The following ANKS1B variants were observed in gnomAD, a reference collection of about 807,000 sequenced individuals.
ANKS1B encodes ankyrin repeat and sterile alpha motif domain containing 1B.
A neutral mutation model predicts 148.3 loss-of-function variants in ANKS1B; 36 were observed. The ratio of observed to expected loss-of-function variants is 0.24; its 90% CI spans 0.19 to 0.32. ANKS1B has a LOEUF of 0.32. Among genes scored for constraint, ANKS1B ranks in the 10% least tolerant of loss-of-function variants. ANKS1B has a pLI of 1.00. For missense variants in ANKS1B, 1,157 were observed against 1,542.6 expected (o/e 0.75, Z 4.19); for synonymous variants, 542 against 560.8 (o/e 0.97, Z 0.47).
Position 99,984,884 on chromosome 12 carries a change from T to C in ANKS1B, c.-647A>G, listed in dbSNP as rs1603615823. Among the ~76,000 whole-genome samples the C allele has an allele frequency of 6.8e-6, 1 of 148,022 alleles. No individual in the cohort carries two copies. Among genetic ancestry groups the C allele is most frequent in the East Asian group, 2.0e-4 (1 of 5,094 alleles). On this transcript the variant is annotated 5_prime_UTR_variant, in exon 1 of 27. Transcript: ENST00000683438. The stretch of plus-strand genomic sequence containing the variant: ...GGCGAGGCCTGGCGCGCGGGGGGCG[T>C]GTGCGCGCGGGCAGGTGCGGCCCCT...
At chr12:99,061,985 T>C (rs867509374) in intron 16 of ANKS1B, among the ~76,000 whole-genome samples, 1 of 152,162 alleles carries the variant, frequency 6.6e-6, no homozygotes, top group African/African-American at 2.4e-5. Context: ...CAAATGGTGG[T>C]GTTACCAGGT....
chr12:98,953,257 G>A (rs1013333993), intron 17 of ANKS1B, among the ~76,000 whole-genome samples: 1 of 152,120 alleles, frequency 6.6e-6, no homozygotes, highest in Non-Finnish European at 1.5e-5. Flanking sequence ...CTGATCTCAA[G>A]TGATCCACCC....
intron 17 of ANKS1B, among the ~76,000 whole-genome samples, chr12:98,923,428 C>G (rs2099804062): frequency 6.6e-6 from 1 of 152,138 alleles, no homozygotes; most frequent in Non-Finnish European, 1.5e-5. Context: ...GTCTTCAATA[C>G]CAAAAGATAG....
intron 12 of ANKS1B, among the ~76,000 whole-genome samples, chr12:99,250,888 C>A (rs759922442): frequency 1.3e-5 from 2 of 152,024 alleles, no homozygotes. Context: ...ATTTCATAAA[C>A]CAGGTAGCTT....
intron 9 of ANKS1B, among the ~76,000 whole-genome samples, chr12:99,610,079 G>C (rs904561884): frequency 6.6e-6 from 1 of 151,914 alleles, no homozygotes; most frequent in Non-Finnish European, 1.5e-5. Flanking sequence ...TATCAAAAGG[G>C]TCACAACCAA....
intron 17 of ANKS1B, among the ~76,000 whole-genome samples, chr12:99,033,150 C>G (rs889970770): frequency 2.0e-5 from 3 of 152,322 alleles, no homozygotes; most frequent in African/African-American, 7.2e-5. Context: ...GCCCAGGACC[C>G]ATTTCAACCA....
intron 2 of ANKS1B, among the ~76,000 whole-genome samples, chr12:99,822,069 T>C (rs970900080): frequency 2.6e-5 from 4 of 152,116 alleles, no homozygotes; most frequent in Non-Finnish European, 4.4e-5. Flanking sequence ...TAATAGTTTA[T>C]GTAACTCAAA....
At chr12:98,832,817 G>C (rs2099329918) in intron 17 of ANKS1B, among the ~76,000 whole-genome samples, 1 of 152,106 alleles carries the variant, frequency 6.6e-6, no homozygotes, top group Non-Finnish European at 1.5e-5. Context: ...CTTAGTGTTT[G>C]TGTTTTGTTC....
intron 9 of ANKS1B, among the ~76,000 whole-genome samples, chr12:99,652,189 G>A (rs1209842792): frequency 1.3e-5 from 2 of 151,884 alleles, no homozygotes; most frequent in African/African-American, 4.8e-5. Context: ...TTTATAGTGA[G>A]AGGCTGGGTG....
intron 14 of ANKS1B, among the ~76,000 whole-genome samples, chr12:99,230,238 T>C (rs1028320494): frequency 6.6e-6 from 1 of 152,096 alleles, no homozygotes; most frequent in Non-Finnish European, 1.5e-5. Context: ...GGTGACATAC[T>C]TTTGACCCAA....
At chr12:99,116,005 T>C (rs557174096) in intron 15 of ANKS1B, among the ~76,000 whole-genome samples, 4 of 151,866 alleles carry the variant, frequency 2.6e-5, no homozygotes, top group African/African-American at 4.8e-5. Flanking sequence ...TACTATTTCC[T>C]AGCTGTGTGG....
At chr12:98,810,589 CAT>C (rs769091594) in intron 19 of ANKS1B, among the ~76,000 whole-genome samples, 1 of 152,064 alleles carries the variant, frequency 6.6e-6, no homozygotes, top group African/African-American at 2.4e-5. Context: ...TTACTAAATT[CAT>C]ATATATATAT....
chr12:99,238,542 G>T (rs1907673), intron 14 of ANKS1B, among the ~76,000 whole-genome samples: 71,168 of 152,108 alleles, frequency 0.47, 18,891 homozygotes, highest in African/African-American at 0.74. Context: ...CTGACAGCTC[G>T]GAAGAAAGCA....
chr12:99,372,303 A>T (rs913141963), intron 12 of ANKS1B, among the ~76,000 whole-genome samples: 13 of 148,818 alleles, frequency 8.7e-5, no homozygotes, highest in African/African-American at 3.2e-4. Flanking sequence ...AATATGTCTT[A>T]AAAAAAAAAC....
At chr12:99,040,278 G>A (rs2099958134) in intron 17 of ANKS1B, among the ~76,000 whole-genome samples, 1 of 149,178 alleles carries the variant, frequency 6.7e-6, no homozygotes, top group Non-Finnish European at 1.5e-5. Context: ...GCGTGTGCGT[G>A]TGTGTGTGTG....
chr12:99,099,588 G>T (rs141909472), intron 15 of ANKS1B, among the ~76,000 whole-genome samples: 1 of 152,166 alleles, frequency 6.6e-6, no homozygotes, highest in Non-Finnish European at 1.5e-5. Context: ...CCTTCTAACC[G>T]TCCTGGGTTT....
At chr12:99,492,105 A>G (rs1266735117) in intron 10 of ANKS1B, among the ~76,000 whole-genome samples, 2 of 152,332 alleles carry the variant, frequency 1.3e-5, no homozygotes, top group Admixed American at 6.5e-5. Context: ...CAAAAGAGCA[A>G]CAAATCCAGG....
chr12:99,027,563 T>C (rs2099949487), intron 17 of ANKS1B, among the ~76,000 whole-genome samples: 2 of 152,246 alleles, frequency 1.3e-5, no homozygotes, highest in Admixed American at 1.3e-4. Flanking sequence ...ATTATACTGC[T>C]TTCTTTAATA....
At chr12:99,816,689 T>C (rs1366540529) in intron 2 of ANKS1B, among the ~76,000 whole-genome samples, 1 of 151,790 alleles carries the variant, frequency 6.6e-6, no homozygotes, top group Non-Finnish European at 1.5e-5. Flanking sequence ...CAAATAAGTA[T>C]CTGTCAGTTT....
Sources: gnomAD v4.1 joint callset for allele counts (sites outside exome capture counted in the v4.1 genomes callset) on GRCh38, gnomAD v4.1.1 for gene constraint, MANE v1.5 for transcripts, NCBI Gene and HGNC (gene_info 2026-07-23, HGNC 2026-07-21) for gene names.